The following DRC11 variants were observed in gnomAD, a reference collection of about 807,000 sequenced individuals.
The protein encoded by DRC11 is dynein regulatory complex subunit 11, also known as IQ and AAA domain-containing protein 1.
At chr2:236,485,747 C>G in the DRC11 span, among the ~76,000 whole-genome samples, 2 of 152,196 alleles carry the variant, frequency 1.3e-5, no homozygotes, top group Admixed American at 6.5e-5. Context: ...GCAGTGGGAT[C>G]TGCAGGAAGG....
chr2:236,415,132 A>C, the DRC11 span, among the ~76,000 whole-genome samples: 2 of 152,268 alleles, frequency 1.3e-5, no homozygotes, highest in East Asian at 3.9e-4. The surrounding 1 kb of genome is among the most constrained non-coding windows in gnomAD (Gnocchi z 5.7). Context: ...GTTAGTTGAA[A>C]TATTCAGATA....
At chr2:236,419,125 T>A in the DRC11 span, 1 of 1,510,822 alleles carries the variant, frequency 6.6e-7, no homozygotes, top group Admixed American at 2.5e-5. This position sits in a 1 kb window ranked among gnomAD's most constrained non-coding sequence, Gnocchi z 4.8. Flanking sequence ...ATCAAATTTC[T>A]AAAATTTCAT....
the DRC11 span, among the ~76,000 whole-genome samples, chr2:236,390,270 T>C: frequency 6.6e-6 from 1 of 152,250 alleles, no homozygotes; most frequent in Non-Finnish European, 1.5e-5. The surrounding 1 kb of genome is among the most constrained non-coding windows in gnomAD (Gnocchi z 5.9). Flanking sequence ...GTCTATTTTG[T>C]CTAAGTATAG....
At chr2:236,380,259 C>A in the DRC11 span, among the ~76,000 whole-genome samples, 1 of 152,222 alleles carries the variant, frequency 6.6e-6, no homozygotes, top group African/African-American at 2.4e-5. The surrounding 1 kb of genome is among the most constrained non-coding windows in gnomAD (Gnocchi z 4.9). Flanking sequence ...CTCAGAGTCT[C>A]CGTATTTCCT....
chr2:236,351,319 G>A, the DRC11 span, among the ~76,000 whole-genome samples: 5 of 152,214 alleles, frequency 3.3e-5, no homozygotes, highest in African/African-American at 4.8e-5. The surrounding 1 kb of genome is among the most constrained non-coding windows in gnomAD (Gnocchi z 7.3). Context: ...AGAAGTGGGC[G>A]GGTGGGGGGA....
chr2:236,345,441 T>C, the DRC11 span, among the ~76,000 whole-genome samples: 1 of 152,196 alleles, frequency 6.6e-6, no homozygotes, highest in Non-Finnish European at 1.5e-5. Flanking sequence ...AGTTTTCTGC[T>C]GAAAATGAAT....
chr2:236,459,966 T>C, the DRC11 span, among the ~76,000 whole-genome samples: 4 of 152,144 alleles, frequency 2.6e-5, no homozygotes, highest in East Asian at 7.7e-4. Flanking sequence ...TGGGAATGCA[T>C]ATTAAGTGCA....
the DRC11 span, among the ~76,000 whole-genome samples, chr2:236,387,927 G>A: frequency 6.6e-6 from 1 of 151,942 alleles, no homozygotes; most frequent in Non-Finnish European, 1.5e-5. Flanking sequence ...ATGAAGCTTA[G>A]TTTGGCTGGA....
chr2:236,405,741 G>A, the DRC11 span, among the ~76,000 whole-genome samples: 1 of 152,176 alleles, frequency 6.6e-6, no homozygotes, highest in Non-Finnish European at 1.5e-5. This position sits in a 1 kb window ranked among gnomAD's most constrained non-coding sequence, Gnocchi z 4.6. Flanking sequence ...CACACCTGAA[G>A]CCTCGGATCG....
the DRC11 span, among the ~76,000 whole-genome samples, chr2:236,382,446 T>G: frequency 2.6e-5 from 4 of 152,218 alleles, no homozygotes; most frequent in South Asian, 8.3e-4. Context: ...TACCTTTCCA[T>G]AAAAATTTTA....
the DRC11 span, among the ~76,000 whole-genome samples, chr2:236,409,651 T>C: frequency 4.6e-5 from 7 of 152,056 alleles, no homozygotes; most frequent in African/African-American, 1.7e-4. Context: ...CTATGTTGAA[T>C]AGGAGTGGTG....
At chr2:236,497,584 A>C in the DRC11 span, 4 of 789,318 alleles carry the variant, frequency 5.1e-6, no homozygotes, top group African/African-American at 3.5e-5. This position sits in a 1 kb window ranked among gnomAD's most constrained non-coding sequence, Gnocchi z 5.1. Flanking sequence ...ATAACACAGA[A>C]TCAAGTGTGA....
At chr2:236,307,790 C>T in the DRC11 span, among the ~76,000 whole-genome samples, 22 of 152,350 alleles carry the variant, frequency 1.4e-4, no homozygotes, top group East Asian at 3.3e-3. The surrounding 1 kb of genome is among the most constrained non-coding windows in gnomAD (Gnocchi z 7.0). Flanking sequence ...ATTTGGAATT[C>T]ATTTCAGCTT....
chr2:236,414,041 T>C, the DRC11 span, among the ~76,000 whole-genome samples: 1 of 152,230 alleles, frequency 6.6e-6, no homozygotes, highest in Admixed American at 6.5e-5. Flanking sequence ...ATTCCTTAAC[T>C]GCAGTCCACA....
the DRC11 span, among the ~76,000 whole-genome samples, chr2:236,499,144 G>A: frequency 1.3e-5 from 2 of 151,964 alleles, no homozygotes; most frequent in South Asian, 2.1e-4. The surrounding 1 kb of genome is among the most constrained non-coding windows in gnomAD (Gnocchi z 4.7). Flanking sequence ...TGTGCCTGGC[G>A]TCCTGAGTCC....
the DRC11 span, among the ~76,000 whole-genome samples, chr2:236,459,507 G>GTA: frequency 0.014 from 1,390 of 100,010 alleles, 12 homozygotes; most frequent in Admixed American, 0.026. Flanking sequence ...ATATGTATAC[G>GTA]TATACGTATA....
At chr2:236,363,703 T>C in the DRC11 span, 11 of 1,135,038 alleles carry the variant, frequency 9.7e-6, no homozygotes, top group East Asian at 2.1e-4. This position sits in a 1 kb window ranked among gnomAD's most constrained non-coding sequence, Gnocchi z 5.6. Context: ...TGTCTGCCAA[T>C]GGAAATTATC....
the DRC11 span, among the ~76,000 whole-genome samples, chr2:236,320,855 G>A: frequency 1.2e-4 from 13 of 111,252 alleles, no homozygotes; most frequent in East Asian, 3.5e-4. Context: ...CCCCGCCATC[G>A]CCTTCCTCCC....
At chr2:236,316,300 T>C in the DRC11 span, among the ~76,000 whole-genome samples, 1 of 152,068 alleles carries the variant, frequency 6.6e-6, no homozygotes. This position sits in a 1 kb window ranked among gnomAD's most constrained non-coding sequence, Gnocchi z 6.8. Context: ...GTAGCTGGGA[T>C]TACAGGCACC....
Sources: allele counts gnomAD v4.1 joint callset (sites outside exome capture counted in the v4.1 genomes callset), GRCh38; gene constraint gnomAD v4.1.1; non-coding constraint Gnocchi (gnomAD v3.1); transcripts MANE v1.5; gene names NCBI Gene and HGNC (gene_info 2026-07-23, HGNC 2026-07-21).